The following TAOK1 variants were observed in gnomAD, a reference collection of about 807,000 sequenced individuals.
The protein encoded by TAOK1 is TAO kinase 1, also known as serine/threonine-protein kinase TAO1.
In TAOK1, 21 loss-of-function variants were observed where a neutral mutation model predicts 138.3. That is an observed-to-expected ratio of 0.15 (90% CI 0.11 to 0.22). TAOK1 has a LOEUF of 0.22. Among genes scored for constraint, TAOK1 ranks in the 10% least tolerant of loss-of-function variants. The pLI is 1.00. For synonymous variants in TAOK1, 361 were observed against 398.4 expected (o/e 0.91, Z 1.12); for missense variants, 651 against 1,227.7 (o/e 0.53, Z 7.02).
chr17:29,463,368 G>C (rs576751152), intron 2 of TAOK1, among the ~76,000 whole-genome samples: 5 of 152,168 alleles, frequency 3.3e-5, no homozygotes, highest in East Asian at 1.9e-4. Flanking sequence ...TCAGGAGTTT[G>C]AGACCAGCCT....
chr17:29,520,185 A>G lies in TAOK1; in HGVS notation c.1909-2095A>G, dbSNP rs1020595727. 2.1e-5 allele frequency among the ~76,000 whole-genome samples: 3 copies of G among 140,510 alleles called. No individual in the cohort carries two copies. The East Asian group carries it at 5.9e-4, about 28-fold the overall frequency. 92.2% of individuals were successfully genotyped at this position (140,510 alleles called of 152,430 possible). A position where few individuals can be genotyped will look rare whatever the true frequency, so the allele number is the denominator to read the frequency against. ...GACAGAGTGAGACTCTGTCTGAAGA[A>G]AAAAAAAAAAAAAAGTGAAACATGG... On this transcript the variant is annotated intron_variant, in intron 16 of 19. Coordinates refer to ENST00000261716, the MANE Select transcript of TAOK1 (RefSeq NM_020791.4).
At chr17:29,394,606 G>A (rs564172892) in intron 1 of TAOK1, among the ~76,000 whole-genome samples, 2 of 152,050 alleles carry the variant, frequency 1.3e-5, no homozygotes, top group Non-Finnish European at 2.9e-5. Flanking sequence ...TTTTGCATTT[G>A]GCTTATTTGT....
chr17:29,501,262 C>A (rs542388883), intron 12 of TAOK1, among the ~76,000 whole-genome samples: 12 of 150,018 alleles, frequency 8.0e-5, no homozygotes, highest in Admixed American at 6.6e-4. Flanking sequence ...AGAAAAACAG[C>A]CAGGTGTGGC....
chr17:29,433,141 T>G (rs1905904389), intron 1 of TAOK1, among the ~76,000 whole-genome samples: 1 of 151,934 alleles, frequency 6.6e-6, no homozygotes, highest in African/African-American at 2.4e-5. Flanking sequence ...ATAGGGCTAA[T>G]AAAAGAATGT....
intron 10 of TAOK1, 69 bp from the exon 11 acceptor site, chr17:29,495,491 G>A: frequency 7.7e-7 from 1 of 1,295,230 alleles, no homozygotes; most frequent in Non-Finnish European, 1.0e-6. Flanking sequence ...ATTATCTCTA[G>A]GGTCTGAGAA....
At chr17:29,395,279 C>T (rs890492261) in intron 1 of TAOK1, among the ~76,000 whole-genome samples, 14 of 152,054 alleles carry the variant, frequency 9.2e-5, no homozygotes, top group Non-Finnish European at 1.9e-4. Flanking sequence ...GCCTGTAATT[C>T]CAGCACTTTG....
chr17:29,466,927 A>AT (rs895863564), intron 2 of TAOK1, among the ~76,000 whole-genome samples: 4 of 151,916 alleles, frequency 2.6e-5, no homozygotes, highest in African/African-American at 9.7e-5. Flanking sequence ...TTATTTTCTT[A>AT]TTTTTTTACT....
chr17:29,534,056 C>A, intron 18 of TAOK1, 62 bp from the exon 19 acceptor site: 1 of 1,476,774 alleles, frequency 6.8e-7, no homozygotes, highest in South Asian at 1.5e-5. Flanking sequence ...TTCCATAGGT[C>A]ATGAATTGAT....
Position 29,480,488 on chromosome 17 carries a change from A to G in TAOK1, c.563+7A>G, listed in dbSNP as rs1234530870. On this transcript the variant is annotated splice_region_variant and intron_variant, in intron 7 of 19. Coordinates refer to ENST00000261716, the MANE Select transcript of TAOK1 (RefSeq NM_020791.4). ...TTGTGGGAACGCCGTATTGGTAAGA[A>G]TAGTTAAAGCAGTCAGCAGCTGTTT... 1.9e-6 allele frequency: 3 copies of G among 1,607,864 alleles called. No homozygotes were observed. Among genetic ancestry groups the G allele is most frequent in the Non-Finnish European group, 2.6e-6 (3 of 1,175,312 alleles).
At chr17:29,411,982 G>C (rs971141306) in intron 1 of TAOK1, among the ~76,000 whole-genome samples, 3 of 151,752 alleles carry the variant, frequency 2.0e-5, no homozygotes, top group African/African-American at 7.3e-5. Context: ...TATCTATGCA[G>C]CTTGCTTTTC....
chr17:29,448,221 T>C (rs2030145327), intron 1 of TAOK1, among the ~76,000 whole-genome samples: 1 of 151,930 alleles, frequency 6.6e-6, no homozygotes, highest in South Asian at 2.1e-4. Context: ...CTGATCCCTA[T>C]GTAATTCTGA....
chr17:29,420,979 G>C (rs1479096260), intron 1 of TAOK1, among the ~76,000 whole-genome samples: 1 of 152,058 alleles, frequency 6.6e-6, no homozygotes, highest in African/African-American at 2.4e-5. Flanking sequence ...ATCTAGGCTG[G>C]AGTGCAGTGG....
chr17:29,499,544 T>C (rs1314326052), intron 12 of TAOK1, among the ~76,000 whole-genome samples: 3 of 139,784 alleles, frequency 2.1e-5, no homozygotes, highest in East Asian at 4.2e-4. Context: ...TTATATCTTT[T>C]TTTCTTTCTT....
chr17:29,498,237 G>A (rs2031450443), intron 11 of TAOK1, 81 bp from the exon 12 acceptor site: 1 of 1,430,268 alleles, frequency 7.0e-7, no homozygotes, highest in African/African-American at 1.4e-5. Context: ...CAAGTGGTAT[G>A]CTAGGTGCTT....
chr17:29,545,844 A>G lies in TAOK1; in HGVS notation c.*2822A>G, dbSNP rs1372746041. The G allele has an allele frequency of 6.6e-6, 1 of 152,150 alleles. No homozygotes were observed. The highest frequency in any genetic ancestry group is 2.4e-5 in the African/African-American group (1 of 41,464). The allele number at this position is 152,150 out of a possible 1,614,324, so 9.4% of individuals were successfully genotyped here. ...CCCAGTGTTGGTGTTCACTCACTAT[A>G]TGTCTTTAAGAAAATTAAAACTATG... On this transcript the variant is annotated 3_prime_UTR_variant, in exon 20 of 20. Transcript: ENST00000261716.
In TAOK1 at chr17:29,542,908, T is replaced by C. The variant is rs768307750; in HGVS notation, c.2892T>C (p.Asn964=). 47 of 1,613,756 alleles carry C rather than the reference T, an allele frequency of 2.9e-5. No individual in the cohort carries two copies. Among genetic ancestry groups the C allele is most frequent in the Non-Finnish European group, 3.9e-5 (46 of 1,179,968 alleles). ...GAGGTAGCAGTATGGGAGTCCGCAA[T>C]AGCCCCCAGGCTCTGAGGCGGACAG... ...VPRGSSMGVR[N]SPQALRRTAS... Residue 964 remains asparagine (N), a synonymous_variant, in exon 20 of 20, where the codon AAT becomes AAC. Coordinates refer to ENST00000261716, the MANE Select transcript of TAOK1 (RefSeq NM_020791.4).
At position 29,398,326 on chromosome 17, in the gene TAOK1, C is replaced by T. The variant is rs374702879; in HGVS notation, c.-95+7302C>T. ...GGTTCAAGCGATTCTCCTGCCTCAG[C>T]CTCCCAACAGCTGGGATTACAGGTA... On this transcript the variant is annotated intron_variant, in intron 1 of 19. Coordinates refer to ENST00000261716, the MANE Select transcript of TAOK1 (RefSeq NM_020791.4). 9.2e-5 allele frequency among the ~76,000 whole-genome samples: 14 copies of T among 151,698 alleles called. 1 individual carries two copies. The highest frequency in any genetic ancestry group is 3.1e-4 in the African/African-American group (13 of 41,318).
At chr17:29,500,975 C>T (rs1396529655) in intron 12 of TAOK1, among the ~76,000 whole-genome samples, 2 of 151,848 alleles carry the variant, frequency 1.3e-5, no homozygotes, top group Non-Finnish European at 2.9e-5. Context: ...GGGTGGAGGT[C>T]AAAATAGAGA....
intron 3 of TAOK1, among the ~76,000 whole-genome samples, chr17:29,470,723 T>C (rs993305680): frequency 2.0e-5 from 3 of 152,210 alleles, no homozygotes; most frequent in Admixed American, 1.3e-4. Flanking sequence ...TTGTAAACTA[T>C]AGGCATGACT....
Sources: gnomAD v4.1 joint callset for allele counts (sites outside exome capture counted in the v4.1 genomes callset) on GRCh38, gnomAD v4.1.1 for gene constraint, MANE v1.5 for transcripts, NCBI Gene and HGNC (gene_info 2026-07-23, HGNC 2026-07-21) for gene names.